Variants in WWOX observed in about 807,000 individuals in gnomAD.
The protein encoded by WWOX is WW domain-containing oxidoreductase.
WWOX carries 69 observed loss-of-function variants against 46.2 expected under a neutral mutation model. That is an observed-to-expected ratio of 1.49 (90% CI 1.23 to 1.82). The LOEUF is 1.82. WWOX is among the 40% of genes most tolerant of loss of function. WWOX has a pLI of 0.00. For synonymous variants in WWOX, 359 were observed against 202.6 expected, an observed-to-expected ratio of 1.77 and a Z score of -6.56; for missense variants, 919 against 542.6, an observed-to-expected ratio of 1.69 and a Z score of -6.89.
At chr16:78,607,274 A>C (rs938997339) in intron 8 of WWOX, among the ~76,000 whole-genome samples, 13 of 152,228 alleles carry the variant, frequency 8.5e-5, no homozygotes, top group African/African-American at 3.1e-4. Flanking sequence ...AAACTATATT[A>C]AAAATATATA....
In WWOX at chr16:78,099,732, G is replaced by A. The variant is rs1238883614; in HGVS notation, c.-47G>A. On this transcript the variant is annotated 5_prime_UTR_variant, in exon 1 of 9. Coordinates refer to ENST00000566780, the MANE Select transcript of WWOX (RefSeq NM_016373.4). The stretch of plus-strand genomic sequence containing the variant: ...GCGGGAGTGAGTTCCTGAGCGAGTG[G>A]ACCCGGCAGCGGGCGATAGGGGGGC... The A allele has an allele frequency of 1.3e-6, 2 of 1,512,562 alleles. No homozygotes were observed. Among genetic ancestry groups the A allele is most frequent in the African/African-American group, 2.8e-5 (2 of 70,890 alleles). The allele number at this position is 1,512,562 out of a possible 1,614,324, so 93.7% of individuals were successfully genotyped here. A position where few individuals can be genotyped will look rare whatever the true frequency, so the allele number is the denominator to read the frequency against.
At chr16:78,887,692 T>C (rs1194069737) in intron 8 of WWOX, among the ~76,000 whole-genome samples, 1 of 152,220 alleles carries the variant, frequency 6.6e-6, no homozygotes, top group African/African-American at 2.4e-5. Flanking sequence ...CCCCCAGGTC[T>C]TTTAAAGATA....
chr16:78,458,031 G>A (rs1446408364), intron 8 of WWOX, among the ~76,000 whole-genome samples: 1 of 150,434 alleles, frequency 6.6e-6, no homozygotes, highest in African/African-American at 2.5e-5. Context: ...GAGCCAAGAT[G>A]GTGCCACTGC....
chr16:78,517,824 GA>G lies in WWOX; in HGVS notation c.1056+85083del, dbSNP rs200115908. Among the ~76,000 whole-genome samples the G allele has an allele frequency of 4.4e-3, 542 of 124,390 alleles. 2 individuals carry two copies. The highest frequency in any genetic ancestry group is 5.1e-3 in the Non-Finnish European group (298 of 58,918). The allele number at this position is 124,390 out of a possible 152,430, so 81.6% of individuals were successfully genotyped here. A position where few individuals can be genotyped will look rare whatever the true frequency, so the allele number is the denominator to read the frequency against. On this transcript the variant is annotated intron_variant, in intron 8 of 8. Coordinates refer to ENST00000566780, the MANE Select transcript of WWOX (RefSeq NM_016373.4). ...GATGTCGTTTTATATAACAAGAAGT[GA>G]AAAAAAAAAAGAATGATGTTACACA...
At chr16:78,272,238 C>G (rs1201162986) in intron 5 of WWOX, among the ~76,000 whole-genome samples, 1 of 152,184 alleles carries the variant, frequency 6.6e-6, no homozygotes, top group East Asian at 1.9e-4. Flanking sequence ...TGGACTGGCA[C>G]TTCAGCTGGT....
chr16:78,422,696 C>CATATATATATAT (rs1597211405), intron 6 of WWOX, among the ~76,000 whole-genome samples: 3 of 35,108 alleles, frequency 8.5e-5, no homozygotes, highest in East Asian at 4.5e-4. Context: ...CACACACACA[C>CATATATATATAT]ACACATATAT....
At chr16:78,774,615 G>A (rs9928973) in intron 8 of WWOX, among the ~76,000 whole-genome samples, 42,818 of 151,634 alleles carry the variant, frequency 0.28, 6,502 homozygotes, top group South Asian at 0.36. Flanking sequence ...GTAGTTCCTG[G>A]CACATGGCGT....
intron 8 of WWOX, among the ~76,000 whole-genome samples, chr16:78,524,609 C>T (rs1392628562): frequency 3.3e-5 from 5 of 151,512 alleles, no homozygotes; most frequent in African/African-American, 7.3e-5. Flanking sequence ...TTAGTAAAGA[C>T]GGGGTTTCAC....
chr16:79,058,571 C>G (rs993387476), intron 8 of WWOX, among the ~76,000 whole-genome samples: 2 of 152,098 alleles, frequency 1.3e-5, no homozygotes, highest in South Asian at 4.1e-4. Flanking sequence ...AAGACATTCA[C>G]GTTTTGTGGT....
At chr16:78,873,148 T>A (rs1026538774) in intron 8 of WWOX, 1 of 152,214 alleles carries the variant, frequency 6.6e-6, no homozygotes, top group Non-Finnish European at 1.5e-5. Flanking sequence ...ATCTGGGTCT[T>A]GGTTCCATGC....
intron 8 of WWOX, among the ~76,000 whole-genome samples, chr16:78,870,747 G>A (rs1226387895): frequency 6.6e-6 from 1 of 152,098 alleles, no homozygotes; most frequent in East Asian, 1.9e-4. Context: ...GATTACAGGT[G>A]CATGCCACCA....
intron 8 of WWOX, among the ~76,000 whole-genome samples, chr16:79,071,444 C>G (rs762659750): frequency 1.2e-4 from 19 of 152,178 alleles, no homozygotes; most frequent in Non-Finnish European, 2.5e-4. Context: ...CCCTGTTACC[C>G]AAGAGAGTTC....
chr16:78,555,042 CG>C (rs2044259366), intron 8 of WWOX, among the ~76,000 whole-genome samples: 1 of 152,028 alleles, frequency 6.6e-6, no homozygotes, highest in African/African-American at 2.4e-5. Flanking sequence ...TTTAAGGTCC[CG>C]AGGAATGTGG....
chr16:79,001,000 G>A (rs576136643), intron 8 of WWOX, among the ~76,000 whole-genome samples: 207 of 152,308 alleles, frequency 1.4e-3, no homozygotes, highest in Non-Finnish European at 2.5e-3. Context: ...TGGGGTCCAA[G>A]AAGAGCTCAG....
chr16:78,994,513 A>C (rs1035705443), intron 8 of WWOX: 1 of 152,236 alleles, frequency 6.6e-6, no homozygotes, highest in Non-Finnish European at 1.5e-5. Context: ...GACAAATGCA[A>C]TGCGAATGGT....
chr16:78,384,848 G>A (rs1268017152), intron 5 of WWOX, among the ~76,000 whole-genome samples: 1 of 151,988 alleles, frequency 6.6e-6, no homozygotes, highest in East Asian at 1.9e-4. Flanking sequence ...TTAAAACTAG[G>A]CTTTGTGCCA....
intron 6 of WWOX, among the ~76,000 whole-genome samples, chr16:78,394,122 A>G (rs2082236755): frequency 6.6e-6 from 1 of 152,220 alleles, no homozygotes; most frequent in South Asian, 2.1e-4. Context: ...TGTAAATTAC[A>G]TATTAATCTT....
intron 5 of WWOX, among the ~76,000 whole-genome samples, chr16:78,267,790 G>C (rs1285203555): frequency 6.6e-6 from 1 of 152,130 alleles, no homozygotes; most frequent in Non-Finnish European, 1.5e-5. Flanking sequence ...TTGATTGTGA[G>C]GCAGGGTCTC....
intron 8 of WWOX, among the ~76,000 whole-genome samples, chr16:78,937,343 A>G (rs546607059): frequency 6.6e-6 from 1 of 151,630 alleles, no homozygotes; most frequent in South Asian, 2.1e-4. Flanking sequence ...GTGTCAGATT[A>G]TGCATTAACA....
Sources: gnomAD v4.1 joint callset for allele counts (sites outside exome capture counted in the v4.1 genomes callset) on GRCh38, gnomAD v4.1.1 for gene constraint, MANE v1.5 for transcripts, NCBI Gene and HGNC (gene_info 2026-07-23, HGNC 2026-07-21) for gene names.